Variants in FAM169A observed in about 807,000 individuals in gnomAD.
FAM169A encodes family with sequence similarity 169 member A.
In FAM169A, 24 loss-of-function variants were observed where a neutral mutation model predicts 75.7. The observed-to-expected ratio is 0.32, with a 90% CI of 0.23 to 0.45. The LOEUF is 0.45. FAM169A is among the 20% of genes least tolerant of loss of function. The pLI is 1.00. For synonymous variants in FAM169A, 271 were observed against 271.0 expected (o/e 1.00, Z 0.00); for missense variants, 673 against 784.0 (o/e 0.86, Z 1.69).
chr5:74,863,956 T>C (rs892677296), intron 1 of FAM169A, among the ~76,000 whole-genome samples: 2 of 152,208 alleles, frequency 1.3e-5, no homozygotes, highest in Non-Finnish European at 2.9e-5. Flanking sequence ...CAATCTTTGC[T>C]TACTTAAATT....
chr5:74,824,102 G>A (rs546120513), intron 5 of FAM169A, among the ~76,000 whole-genome samples: 1 of 152,178 alleles, frequency 6.6e-6, no homozygotes, highest in Admixed American at 6.5e-5. Context: ...CTCAAATGAA[G>A]ATTACAAAAA....
chr5:74,845,079 CAG>C (rs939588215), intron 1 of FAM169A, among the ~76,000 whole-genome samples: 1 of 151,908 alleles, frequency 6.6e-6, no homozygotes, highest in African/African-American at 2.4e-5. Context: ...ACTGAAAATC[CAG>C]AGAAACACCA....
At chr5:74,800,137 T>C (rs1746493203) in intron 10 of FAM169A, 2 of 491,346 alleles carry the variant, frequency 4.1e-6, no homozygotes, top group Non-Finnish European at 7.6e-6. Context: ...AGCTGTGCCG[T>C]GGCACGATGG....
intron 1 of FAM169A, among the ~76,000 whole-genome samples, chr5:74,843,394 A>G (rs1406911130): frequency 6.6e-6 from 1 of 152,222 alleles, no homozygotes; most frequent in African/African-American, 2.4e-5. Context: ...AGAACAGACA[A>G]GCAAAAATAG....
At chr5:74,841,241 T>G (rs551545987) in intron 2 of FAM169A, among the ~76,000 whole-genome samples, 2 of 152,340 alleles carry the variant, frequency 1.3e-5, no homozygotes, top group South Asian at 4.1e-4. Context: ...AAAAATTTTC[T>G]AAACTCACAA....
chr5:74,823,971 A>T (rs944793895), intron 5 of FAM169A, among the ~76,000 whole-genome samples: 1 of 152,214 alleles, frequency 6.6e-6, no homozygotes, highest in African/African-American at 2.4e-5. Flanking sequence ...ACAGGAAGTG[A>T]GTAATCTGTC....
In FAM169A at chr5:74,796,024, T is replaced by C. The variant is rs1479605829; in HGVS notation, c.1260+6A>G. 6.2e-7 allele frequency: 1 copy of C among 1,610,964 alleles called. No individual in the cohort carries two copies. Among genetic ancestry groups the C allele is most frequent in the Non-Finnish European group, 8.5e-7 (1 of 1,179,338 alleles). On this transcript the variant is annotated splice_donor_region_variant and intron_variant, in intron 11 of 12. Transcript: ENST00000687041. Reference sequence around the variant, plus strand: ...TTTTCATTTTGCTGAATAAGTGATCTCATACCTTTTCACCATCTTGCTTCT... The same window carrying C: ...TTTTCATTTTGCTGAATAAGTGATCCCATACCTTTTCACCATCTTGCTTCT...
chr5:74,787,342 A>G (rs1745746612), intron 11 of FAM169A, among the ~76,000 whole-genome samples: 1 of 152,184 alleles, frequency 6.6e-6, no homozygotes, highest in African/African-American at 2.4e-5. Flanking sequence ...GGATTAAAAG[A>G]TGGCTCACTC....
At chr5:74,855,242 C>A (rs1463199048) in intron 1 of FAM169A, among the ~76,000 whole-genome samples, 1 of 152,166 alleles carries the variant, frequency 6.6e-6, no homozygotes, top group Non-Finnish European at 1.5e-5. Flanking sequence ...GTTGTCCAGG[C>A]TGGAATGCGG....
chr5:74,863,701 T>C (rs1470663595), intron 1 of FAM169A, among the ~76,000 whole-genome samples: 1 of 152,150 alleles, frequency 6.6e-6, no homozygotes, highest in Non-Finnish European at 1.5e-5. Context: ...TTCTCAACCA[T>C]TGGTAAATAA....
At chr5:74,840,238 T>C (rs1430149904) in intron 2 of FAM169A, 65 bp from the exon 3 acceptor site, 7 of 672,856 alleles carry the variant, frequency 1.0e-5, no homozygotes, top group Non-Finnish European at 1.7e-5. Context: ...AAAAAATCAA[T>C]CTTTTATCAA....
intron 1 of FAM169A, among the ~76,000 whole-genome samples, chr5:74,844,203 T>C (rs564681515): frequency 8.5e-5 from 13 of 152,302 alleles, no homozygotes; most frequent in African/African-American, 2.9e-4. Context: ...ATGCCTGTAA[T>C]CCCAGCACTT....
intron 10 of FAM169A, among the ~76,000 whole-genome samples, chr5:74,796,746 C>T (rs1267084057): frequency 6.6e-6 from 1 of 151,592 alleles, no homozygotes; most frequent in African/African-American, 2.4e-5. Context: ...ACTGAAGGAC[C>T]ATGGATCTTA....
rs191356078 is a variant in FAM169A at position 74,785,684 on chromosome 5, C to T, written c.1261-2550G>A. On this transcript the variant is annotated intron_variant, in intron 11 of 12. Transcript: ENST00000687041. Reference sequence around the variant, plus strand: ...GGCTAAAGCATGAGAATCGCTTAAACTCAGGAGGTGGAGGTTGTAGTGAGC... The same window carrying T: ...GGCTAAAGCATGAGAATCGCTTAAATTCAGGAGGTGGAGGTTGTAGTGAGC... 1.4e-4 allele frequency among the ~76,000 whole-genome samples: 21 copies of T among 152,318 alleles called. 1 individual carries two copies. The highest frequency in any genetic ancestry group is 4.6e-4 in the Admixed American group (7 of 15,306).
chr5:74,805,093 A>G (rs1167391933), intron 7 of FAM169A, 63 bp downstream of exon 7: 11 of 1,469,200 alleles, frequency 7.5e-6, no homozygotes, highest in Admixed American at 3.4e-5. Context: ...CTTATGGGCC[A>G]GCAAGGACAG....
At chr5:74,838,902 G>A in intron 4 of FAM169A, 63 bp downstream of exon 4, 2 of 1,133,726 alleles carry the variant, frequency 1.8e-6, no homozygotes, top group Non-Finnish European at 2.7e-6. Flanking sequence ...AACTATCACT[G>A]TTTACAGGAA....
chr5:74,844,182 C>T (rs1749028464), intron 1 of FAM169A, among the ~76,000 whole-genome samples: 1 of 152,188 alleles, frequency 6.6e-6, no homozygotes, highest in Admixed American at 6.5e-5. Context: ...CAAGGCCGGG[C>T]ACAGTGGCTC....
chr5:74,813,087 C>T (rs1010774032), intron 6 of FAM169A, among the ~76,000 whole-genome samples: 4 of 152,078 alleles, frequency 2.6e-5, no homozygotes, highest in African/African-American at 7.2e-5. Context: ...CTATATGATT[C>T]CATTTATATG....
At chr5:74,836,067 A>G (rs1444839115) in intron 4 of FAM169A, among the ~76,000 whole-genome samples, 2 of 152,274 alleles carry the variant, frequency 1.3e-5, no homozygotes, top group Non-Finnish European at 2.9e-5. Flanking sequence ...GATCCATAAC[A>G]TCTCTCTTCA....
Sources: allele counts gnomAD v4.1 joint callset (sites outside exome capture counted in the v4.1 genomes callset), GRCh38; gene constraint gnomAD v4.1.1; transcripts MANE v1.5; gene names NCBI Gene and HGNC (gene_info 2026-07-23, HGNC 2026-07-21).